ZNF267: variants seen among roughly 807,000 people sequenced by gnomAD.
ZNF267 encodes the protein zinc finger (C2H2).
In ZNF267, 61 loss-of-function variants were observed where a neutral mutation model predicts 71.6. The ratio of observed to expected loss-of-function variants is 0.85; its 90% CI spans 0.69 to 1.05. The LOEUF (loss-of-function observed/expected upper bound fraction) is 1.05. Among genes scored for constraint, ZNF267 ranks in the 50% least tolerant of loss-of-function variants. The probability of loss-of-function intolerance (pLI) is 0.00; values close to 1 mark genes in which losing one functional copy is unlikely to be tolerated. For missense variants in ZNF267, 852 were observed against 870.0 expected, an observed-to-expected ratio of 0.98 and a Z score of 0.26; for synonymous variants, 288 against 293.2, an observed-to-expected ratio of 0.98 and a Z score of 0.18.
chr16:31,901,654 T>C (rs2057657820), intron 3 of ZNF267, among the ~76,000 whole-genome samples: 2 of 152,232 alleles, frequency 1.3e-5, no homozygotes, highest in South Asian at 4.1e-4. Context: ...TGTTTTTTTC[T>C]TGTAAATTTG....
At chr16:31,896,700 AGGTATTG>A (rs2084001864) in intron 3 of ZNF267, among the ~76,000 whole-genome samples, 1 of 152,142 alleles carries the variant, frequency 6.6e-6, no homozygotes, top group Non-Finnish European at 1.5e-5. Context: ...TTTTGACGTA[AGGTATTG>A]TATTGTCTCC....
At position 31,914,499 on chromosome 16, in the gene ZNF267, G is replaced by A; in HGVS notation, c.250G>A (p.Asp84Asn). The A allele has an allele frequency of 6.3e-7, 1 of 1,591,310 alleles. No individual in the cohort carries two copies. Among genetic ancestry groups the A allele is most frequent in the South Asian group, 1.2e-5 (1 of 86,720 alleles). The change falls in exon 4 of 4, where the codon GAC becomes AAC. Residue 84 changes from aspartate (D) to asparagine (N), a missense_variant. Transcript: ENST00000300870. Reference protein sequence around the residue: ...QPDVFSHYNKDLLTEHCTEAS... With the variant: ...QPDVFSHYNKNLLTEHCTEAS... ...AGATGTGTTTTCGCATTATAACAAG[G>A]ACCTGTTGACAGAGCACTGCACAGA...
At chr16:31,892,874 G>A (rs956174497) in intron 3 of ZNF267, among the ~76,000 whole-genome samples, 1 of 152,336 alleles carries the variant, frequency 6.6e-6, no homozygotes, top group African/African-American at 2.4e-5. Flanking sequence ...GGCATTGAGT[G>A]TCTGCAGCTT....
At chr16:31,891,341 A>G (rs1402314762) in intron 3 of ZNF267, among the ~76,000 whole-genome samples, 1 of 152,156 alleles carries the variant, frequency 6.6e-6, no homozygotes, top group Non-Finnish European at 1.5e-5. Flanking sequence ...TGTAGCTTTT[A>G]TACTAGAGTT....
intron 1 of ZNF267, among the ~76,000 whole-genome samples, chr16:31,884,156 G>A (rs2083908308): frequency 6.6e-6 from 1 of 152,212 alleles, no homozygotes; most frequent in African/African-American, 2.4e-5. Context: ...AATTTGAGAA[G>A]TATGCCTCTA....
At position 31,914,927 on chromosome 16, in the gene ZNF267, C is replaced by T. The variant is rs1380433990; in HGVS notation, c.678C>T (p.Asn226=). 2 of 1,611,456 alleles carry T rather than the reference C, an allele frequency of 1.2e-6. No individual in the cohort carries two copies. The highest frequency in any genetic ancestry group is 1.7e-6 in the Non-Finnish European group (2 of 1,179,298). The change falls in exon 4 of 4, where the codon AAC becomes AAT. Residue 226 remains asparagine (N), a synonymous_variant. Transcript: ENST00000300870. ...GCAATAATTCTGAAAAAACCTTGAACCAAAGCTCAAGCCCTAAAAATCATC... is the reference window on the plus strand; with the variant it reads ...GCAATAATTCTGAAAAAACCTTGAATCAAAGCTCAAGCCCTAAAAATCATC... ...YHCNNSEKTL[N]QSSSPKNHQE...
intron 3 of ZNF267, among the ~76,000 whole-genome samples, chr16:31,908,055 T>A (rs943304000): frequency 5.3e-5 from 8 of 151,312 alleles, no homozygotes; most frequent in South Asian, 2.1e-4. Context: ...AAAAAAAAAA[T>A]AATACTAATA....
At chr16:31,890,909 C>CTATACCAG (rs1383295698) in intron 3 of ZNF267, among the ~76,000 whole-genome samples, 1 of 152,194 alleles carries the variant, frequency 6.6e-6, no homozygotes, top group Non-Finnish European at 1.5e-5. Context: ...GACATTCAGT[C>CTATACCAG]TATACCAGTA....
At chr16:31,904,379 C>T (rs1160847646) in intron 3 of ZNF267, among the ~76,000 whole-genome samples, 1 of 152,204 alleles carries the variant, frequency 6.6e-6, no homozygotes, top group Non-Finnish European at 1.5e-5. Context: ...CTAATGTTGA[C>T]AATGGGTTGT....
At chr16:31,902,712 T>C (rs1453305275) in intron 3 of ZNF267, among the ~76,000 whole-genome samples, 1 of 152,242 alleles carries the variant, frequency 6.6e-6, no homozygotes, top group Non-Finnish European at 1.5e-5. Context: ...TGGGGTTTTC[T>C]AGATATACAG....
chr16:31,914,714 T>G lies in ZNF267; in HGVS notation c.465T>G (p.Ser155=). 6.2e-7 allele frequency: 1 copy of G among 1,614,166 alleles called. No individual in the cohort carries two copies. Among genetic ancestry groups the G allele is most frequent in the Non-Finnish European group, 8.5e-7 (1 of 1,180,024 alleles). ...TGTTTCACCAGCAAATACTTTCTTC[T>G]TGTGCCAAAAGCTATAACTTTGATC... ...ESLFHQQILS[S]CAKSYNFDQY... The change falls in exon 4 of 4, where the codon TCT becomes TCG. Residue 155 remains serine (S), a synonymous_variant. Coordinates refer to ENST00000300870, the MANE Select transcript of ZNF267 (RefSeq NM_003414.6).
At chr16:31,891,591 A>G (rs533706504) in intron 3 of ZNF267, among the ~76,000 whole-genome samples, 1 of 152,150 alleles carries the variant, frequency 6.6e-6, no homozygotes, top group African/African-American at 2.4e-5. Context: ...TTCCTGTGCT[A>G]TTCTTGTGAT....
chr16:31,889,814 G>T (rs1003671260), intron 3 of ZNF267, among the ~76,000 whole-genome samples: 10 of 152,286 alleles, frequency 6.6e-5, no homozygotes, highest in Admixed American at 5.2e-4. Context: ...TGAGGGATCT[G>T]CCCCTATTAT....
chr16:31,897,197 A>C (rs1323100467), intron 3 of ZNF267, among the ~76,000 whole-genome samples: 1 of 151,978 alleles, frequency 6.6e-6, no homozygotes, highest in African/African-American at 2.4e-5. Flanking sequence ...AGGAGTAATA[A>C]ATTCATTAAA....
intron 3 of ZNF267, among the ~76,000 whole-genome samples, chr16:31,909,993 A>T (rs2084124090): frequency 2.6e-5 from 4 of 152,144 alleles, no homozygotes; most frequent in Admixed American, 2.6e-4. Context: ...AATTTTATTA[A>T]ATCCTTTTTT....
At chr16:31,899,840 C>T (rs2084025392) in intron 3 of ZNF267, among the ~76,000 whole-genome samples, 1 of 152,008 alleles carries the variant, frequency 6.6e-6, no homozygotes, top group Admixed American at 6.5e-5. Context: ...AAATGATATA[C>T]TCATATGAGT....
At chr16:31,877,533 G>A (rs1363014131) in intron 1 of ZNF267, among the ~76,000 whole-genome samples, 1 of 152,164 alleles carries the variant, frequency 6.6e-6, no homozygotes, top group East Asian at 1.9e-4. Flanking sequence ...TTAGGGAGGG[G>A]TTGAATGTTG....
intron 3 of ZNF267, among the ~76,000 whole-genome samples, chr16:31,903,043 A>G (rs1327247132): frequency 6.6e-6 from 1 of 152,192 alleles, no homozygotes; most frequent in Non-Finnish European, 1.5e-5. Context: ...TATTGAGATA[A>G]TCATGTGGTT....
In ZNF267 at chr16:31,915,936, C is replaced by T. The variant is rs1165908191; in HGVS notation, c.1687C>T (p.Leu563Phe). ...CGKAFPYSSHLIRHHRIHTGE... is the reference protein window; with the variant it reads ...CGKAFPYSSHFIRHHRIHTGE... Reference sequence around the variant, plus strand: ...CAAAGCCTTTCCTTATAGTTCACACCTTATTCGACATCATCGAATTCATAC... The same window carrying T: ...CAAAGCCTTTCCTTATAGTTCACACTTTATTCGACATCATCGAATTCATAC... The change falls in exon 4 of 4, where the codon CTT becomes TTT. Residue 563 changes from leucine to phenylalanine, a missense_variant. Physicochemically the swap from Leu to Phe is conservative, Grantham distance 22 (BLOSUM62 0). Transcript: ENST00000300870. 6.2e-7 allele frequency: 1 copy of T among 1,613,666 alleles called. No homozygotes were observed. Among genetic ancestry groups the T allele is most frequent in the South Asian group, 1.1e-5 (1 of 91,058 alleles).
Sources: gnomAD v4.1 joint callset for allele counts (sites outside exome capture counted in the v4.1 genomes callset) on GRCh38, gnomAD v4.1.1 for gene constraint, MANE v1.5 for transcripts, NCBI Gene and HGNC (gene_info 2026-07-23, HGNC 2026-07-21) for gene names.